SYTL4: variants seen among roughly 807,000 people sequenced by gnomAD.
SYTL4 encodes the protein synaptotagmin-like protein 4.
A neutral mutation model predicts 52.7 loss-of-function variants in SYTL4; 16 were observed. The ratio of observed to expected loss-of-function variants is 0.30; its 90% CI spans 0.21 to 0.46. The LOEUF (loss-of-function observed/expected upper bound fraction) is 0.46. Among genes scored for constraint, SYTL4 ranks in the 20% least tolerant of loss-of-function variants. The pLI, the probability that SYTL4 is intolerant of heterozygous loss-of-function variation, is 1.00. For synonymous variants in SYTL4, 160 were observed against 186.6 expected (o/e 0.86, Z 1.16); for missense variants, 423 against 519.9 (o/e 0.81, Z 1.81).
At chrX:100,704,517 T>C (rs2083918489) in intron 3 of SYTL4, among the ~76,000 whole-genome samples, 1 of 112,324 alleles carries the variant, frequency 8.9e-6, no homozygotes, top group South Asian at 3.7e-4. Flanking sequence ...AAGTCAAAGA[T>C]GCCTAGTTCA....
At chrX:100,698,122 A>T (rs1456534940) in intron 8 of SYTL4, among the ~76,000 whole-genome samples, 4 of 111,122 alleles carry the variant, frequency 3.6e-5, no homozygotes, top group Non-Finnish European at 5.7e-5. Flanking sequence ...TTATTTTTTG[A>T]GATGGAGTCT....
intron 9 of SYTL4, 74 bp downstream of exon 9, chrX:100,691,034 C>T (rs2083586998): frequency 2.5e-6 from 2 of 786,129 alleles, no homozygotes; most frequent in Admixed American, 5.3e-5. Context: ...GGACAGAAGT[C>T]AGGAACACTG....
chrX:100,720,490 G>A (rs1472512138), intron 2 of SYTL4, among the ~76,000 whole-genome samples: 4 of 112,001 alleles, frequency 3.6e-5, no homozygotes, highest in Non-Finnish European at 7.5e-5. Context: ...CAGCACCCCC[G>A]CAGGGAAGAC....
intron 9 of SYTL4, 48 bp from the exon 10 acceptor site, chrX:100,690,686 C>T (rs373661068): frequency 1.0e-4 from 104 of 1,007,649 alleles, no homozygotes; most frequent in Non-Finnish European, 1.3e-4. Context: ...CTACCCTTCC[C>T]CTTCTACCCA....
At chrX:100,719,793 T>G (rs1457189275) in intron 2 of SYTL4, among the ~76,000 whole-genome samples, 1 of 111,954 alleles carries the variant, frequency 8.9e-6, no homozygotes, top group Admixed American at 9.5e-5. Flanking sequence ...GGAATCCACA[T>G]AGCTACCTTT....
intron 9 of SYTL4, 152 bp from the exon 10 acceptor site, chrX:100,690,790 G>C: frequency 2.2e-6 from 1 of 452,320 alleles, no homozygotes; most frequent in East Asian, 3.9e-5. Flanking sequence ...TACCTGGAAG[G>C]AATGCAGAAG....
At chrX:100,688,510 A>G in intron 12 of SYTL4, 67 bp from the exon 13 acceptor site, 2 of 930,456 alleles carry the variant, frequency 2.1e-6, no homozygotes, top group South Asian at 4.7e-5. Context: ...AAAGACTAAT[A>G]TCTTTCCTTT....
chrX:100,725,274 A>G, intron 2 of SYTL4, among the ~76,000 whole-genome samples: 1 of 112,047 alleles, frequency 8.9e-6, no homozygotes, highest in Middle Eastern at 4.6e-3. Flanking sequence ...AAGTGTAGCT[A>G]ATGGTTTCAA....
At chrX:100,679,471 C>T (rs2083335562) in intron 17 of SYTL4, 59 bp from the exon 18 acceptor site, 2 of 949,569 alleles carry the variant, frequency 2.1e-6, no homozygotes, top group Admixed American at 2.3e-5. Context: ...TTATCTTGAG[C>T]TTTGTTTATG....
At chrX:100,731,825 G>A (rs896870253) in intron 1 of SYTL4, among the ~76,000 whole-genome samples, 179 bp downstream of exon 1, 9 of 111,707 alleles carry the variant, frequency 8.1e-5, no homozygotes, top group African/African-American at 2.9e-4. Context: ...AGAGGCGGAC[G>A]GGGAGAGGGG....
chrX:100,711,378 A>T (rs1163766454), intron 2 of SYTL4, among the ~76,000 whole-genome samples: 1 of 112,016 alleles, frequency 8.9e-6, no homozygotes, highest in Non-Finnish European at 1.9e-5. Flanking sequence ...AACTGACACA[A>T]ATGTTAGAAT....
rs112182328 is a variant in SYTL4 at position 100,708,026 on chromosome X, G to A, written c.-239-3140C>T. Among the ~76,000 whole-genome samples, 393 of 103,650 alleles carry A rather than the reference G, an allele frequency of 3.8e-3. 2 individuals are homozygous for A. The highest frequency in any genetic ancestry group is 0.013 in the African/African-American group (375 of 28,302). The allele number at this position is 103,650 out of a possible 115,157, so 90.0% of individuals were successfully genotyped here. On this transcript the variant is annotated intron_variant, in intron 2 of 19. Coordinates refer to ENST00000372989, the MANE Select transcript of SYTL4 (RefSeq NM_001370165.1). The stretch of plus-strand genomic sequence containing the variant: ...CTCTCATAAGCGGGAGTTGAACAAC[G>A]AGAACACATGGACACAGGGAGGGGA...
intron 2 of SYTL4, among the ~76,000 whole-genome samples, chrX:100,727,905 G>T (rs753681399): frequency 9.0e-6 from 1 of 111,702 alleles, no homozygotes; most frequent in Non-Finnish European, 1.9e-5. Flanking sequence ...CGGGAGTGCC[G>T]TTTTGGCCAC....
chrX:100,727,146 C>T (rs1294234396), intron 2 of SYTL4, among the ~76,000 whole-genome samples: 1 of 111,478 alleles, frequency 9.0e-6, no homozygotes, highest in Non-Finnish European at 1.9e-5. Context: ...TATCTGATTA[C>T]GAGAGGGGTA....
At chrX:100,719,000 G>A (rs2084285177) in intron 2 of SYTL4, among the ~76,000 whole-genome samples, 1 of 110,551 alleles carries the variant, frequency 9.0e-6, no homozygotes, top group Non-Finnish European at 1.9e-5. Flanking sequence ...GTTTCACCAT[G>A]TTGGCCAGGC....
In SYTL4 at chrX:100,719,427, G is replaced by A. The variant is rs761381087; in HGVS notation, c.-240+11991C>T. On this transcript the variant is annotated intron_variant, in intron 2 of 19. Transcript: ENST00000372989. ...TTCTGGCAATATTGCTCTATATGGT[G>A]ATTTTTGGAAAAGGGAACATCAACC... Among the ~76,000 whole-genome samples the A allele has an allele frequency of 3.6e-5, 4 of 111,135 alleles. No individual in the cohort carries two copies. In the South Asian group the frequency reaches 1.5e-3, roughly 43 times the overall value.
intron 13 of SYTL4, 47 bp from the exon 14 acceptor site, chrX:100,687,292 GC>G (rs768834918): frequency 1.0e-5 from 11 of 1,081,031 alleles, no homozygotes; most frequent in Non-Finnish European, 1.3e-5. Context: ...ACACTCCCCC[GC>G]CCGCATTGCT....
intron 1 of SYTL4, among the ~76,000 whole-genome samples, chrX:100,731,761 G>T (rs778052095): frequency 3.8e-4 from 43 of 112,134 alleles, no homozygotes; most frequent in African/African-American, 1.4e-3. Flanking sequence ...AAGAAAAGTG[G>T]CCGGGAGGGA....
intron 8 of SYTL4, among the ~76,000 whole-genome samples, chrX:100,693,440 A>G (rs1387430754): frequency 1.8e-5 from 2 of 112,259 alleles, no homozygotes; most frequent in Non-Finnish European, 3.8e-5. Context: ...TTTTTCTCAC[A>G]ATACAAATCA....
Sources: allele counts gnomAD v4.1 joint callset (sites outside exome capture counted in the v4.1 genomes callset), GRCh38; gene constraint gnomAD v4.1.1; transcripts MANE v1.5; gene names NCBI Gene and HGNC (gene_info 2026-07-23, HGNC 2026-07-21).